HSDL2: variants seen among roughly 807,000 people sequenced by gnomAD.
The protein encoded by HSDL2 is hydroxysteroid dehydrogenase-like protein 2.
A neutral mutation model predicts 46.3 loss-of-function variants in HSDL2; 27 were observed. That is an observed-to-expected ratio of 0.58 (90% CI 0.43 to 0.80). The LOEUF (loss-of-function observed/expected upper bound fraction) is 0.80, where lower values mean the gene tolerates loss of function less well. HSDL2 is among the 30% of genes least tolerant of loss of function. The pLI, the probability that HSDL2 is intolerant of heterozygous loss-of-function variation, is 0.00. For missense variants in HSDL2, 451 were observed against 502.7 expected, an observed-to-expected ratio of 0.90 and a Z score of 0.98; for synonymous variants, 153 against 163.6, an observed-to-expected ratio of 0.94 and a Z score of 0.50.
chr9:112,414,956 A>AG (rs563111696), intron 4 of HSDL2, among the ~76,000 whole-genome samples: 88 of 116,812 alleles, frequency 7.5e-4, no homozygotes, highest in African/African-American at 2.9e-3. Context: ...TTCAGGGTAA[A>AG]GAAAAAAAAA....
intron 10 of HSDL2, among the ~76,000 whole-genome samples, chr9:112,459,868 G>A (rs531715166): frequency 1.3e-5 from 2 of 152,122 alleles, no homozygotes; most frequent in South Asian, 4.1e-4. Flanking sequence ...CATATTAGCT[G>A]GCCTAAGGTA....
intron 8 of HSDL2, among the ~76,000 whole-genome samples, chr9:112,452,963 G>A (rs1252064282): frequency 1.3e-5 from 2 of 152,182 alleles, no homozygotes; most frequent in African/African-American, 2.4e-5. Context: ...GGGACTAACA[G>A]TTTAACCTCC....
At chr9:112,407,834 C>A (rs1831764919) in intron 3 of HSDL2, among the ~76,000 whole-genome samples, 1 of 152,152 alleles carries the variant, frequency 6.6e-6, no homozygotes, top group Non-Finnish European at 1.5e-5. Context: ...TGTTACACAA[C>A]CATCATTAAG....
chr9:112,407,155 T>C (rs1273353476), intron 3 of HSDL2, among the ~76,000 whole-genome samples: 2 of 152,164 alleles, frequency 1.3e-5, no homozygotes, highest in African/African-American at 2.4e-5. Flanking sequence ...CGGCAGCCTT[T>C]CCCAAAGAAA....
intron 1 of HSDL2, among the ~76,000 whole-genome samples, chr9:112,400,452 C>G (rs1215309755): frequency 6.6e-6 from 1 of 152,144 alleles, no homozygotes; most frequent in Non-Finnish European, 1.5e-5. Context: ...ACTAAAAATA[C>G]AAAAATTGGC....
chr9:112,424,846 A>G (rs1413282867), intron 6 of HSDL2, among the ~76,000 whole-genome samples: 3 of 151,694 alleles, frequency 2.0e-5, no homozygotes, highest in East Asian at 3.9e-4. Context: ...TTGTTAAAGT[A>G]TATATTAACA....
chr9:112,455,035 T>C (rs1832983266), intron 9 of HSDL2, among the ~76,000 whole-genome samples: 1 of 152,174 alleles, frequency 6.6e-6, no homozygotes, highest in African/African-American at 2.4e-5. Flanking sequence ...TCTCTTAATA[T>C]TGTTCTTCTC....
intron 1 of HSDL2, among the ~76,000 whole-genome samples, chr9:112,384,498 C>T (rs1831177437): frequency 6.6e-6 from 1 of 151,780 alleles, no homozygotes; most frequent in African/African-American, 2.4e-5. Flanking sequence ...CTTTTTTTTA[C>T]AGCAATAGTT....
intron 2 of HSDL2, 78 bp downstream of exon 2, chr9:112,404,236 T>A: frequency 3.6e-6 from 5 of 1,395,220 alleles, no homozygotes; most frequent in Non-Finnish European, 4.9e-6. Flanking sequence ...AGAGTTTAGT[T>A]AAAGCTATTT....
At chr9:112,462,783 T>C (rs543992172) in intron 10 of HSDL2, among the ~76,000 whole-genome samples, 2 of 152,302 alleles carry the variant, frequency 1.3e-5, no homozygotes, top group Admixed American at 1.3e-4. Flanking sequence ...ATAACTACAG[T>C]CCAGTCTGAG....
At chr9:112,406,474 T>A (rs1564110533) in intron 3 of HSDL2, among the ~76,000 whole-genome samples, 1 of 152,134 alleles carries the variant, frequency 6.6e-6, no homozygotes, top group Non-Finnish European at 1.5e-5. Flanking sequence ...CTGATTTCTT[T>A]TTTCTTTTTT....
chr9:112,390,921 A>G (rs898204965), intron 1 of HSDL2, among the ~76,000 whole-genome samples: 7 of 152,138 alleles, frequency 4.6e-5, no homozygotes, highest in African/African-American at 1.7e-4. Context: ...CATGTCTGTA[A>G]TCCCATCACT....
chr9:112,420,430 G>T (rs1260358522), intron 6 of HSDL2, among the ~76,000 whole-genome samples: 2 of 151,942 alleles, frequency 1.3e-5, no homozygotes, highest in African/African-American at 4.8e-5. Context: ...TAGCACTTTG[G>T]GAGGCTGAGA....
At chr9:112,462,456 C>T (rs1181421948) in intron 10 of HSDL2, among the ~76,000 whole-genome samples, 1 of 41,330 alleles carries the variant, frequency 2.4e-5, no homozygotes, top group Non-Finnish European at 4.6e-5. Flanking sequence ...GACTGAGACC[C>T]TGTCTCAAAA....
At chr9:112,419,136 G>A (rs549186002) in intron 6 of HSDL2, among the ~76,000 whole-genome samples, 178 bp downstream of exon 6, 1 of 151,600 alleles carries the variant, frequency 6.6e-6, no homozygotes, top group East Asian at 1.9e-4. Flanking sequence ...AGCCTCCCAA[G>A]CAGCTGGGAC....
chr9:112,409,941 T>C (rs907880580), intron 4 of HSDL2, among the ~76,000 whole-genome samples: 1 of 151,910 alleles, frequency 6.6e-6, no homozygotes, highest in Non-Finnish European at 1.5e-5. Context: ...CTGTCTTTCA[T>C]AGGACACAGT....
At chr9:112,387,782 T>G (rs890941965) in intron 1 of HSDL2, among the ~76,000 whole-genome samples, 2 of 152,174 alleles carry the variant, frequency 1.3e-5, no homozygotes, top group Non-Finnish European at 2.9e-5. Context: ...CTATGGGATA[T>G]ACTGAGGAAA....
chr9:112,389,115 C>T (rs1439567969), intron 1 of HSDL2, among the ~76,000 whole-genome samples: 2 of 151,946 alleles, frequency 1.3e-5, no homozygotes, highest in African/African-American at 4.8e-5. Context: ...GCAGCCTCAA[C>T]CTTTGGGATC....
In HSDL2 at chr9:112,446,746, C is replaced by A. The variant is rs538283255; in HGVS notation, c.865+4976C>A. 3.9e-5 allele frequency among the ~76,000 whole-genome samples: 6 copies of A among 152,340 alleles called. No individual in the cohort carries two copies. The South Asian group carries it at 1.2e-3, about 32-fold the overall frequency. On this transcript the variant is annotated intron_variant, in intron 8 of 10. Coordinates refer to ENST00000398805, the MANE Select transcript of HSDL2 (RefSeq NM_032303.5). ...GCCATGCCTTGGGGCATGTACTTCC[C>A]AGGATGCTCCACTGCAGGACTCCCC... is the stretch of plus-strand genomic sequence containing the variant.
Sources: gnomAD v4.1 joint callset for allele counts (sites outside exome capture counted in the v4.1 genomes callset) on GRCh38, gnomAD v4.1.1 for gene constraint, MANE v1.5 for transcripts, NCBI Gene and HGNC (gene_info 2026-07-23, HGNC 2026-07-21) for gene names.